Variants in USP4 observed in about 807,000 individuals in gnomAD.
USP4 encodes the protein ubiquitin specific peptidase 4.
USP4 carries 72 observed loss-of-function variants against 118.2 expected under a neutral mutation model. The ratio of observed to expected loss-of-function variants is 0.61; its 90% CI spans 0.50 to 0.74. The LOEUF is 0.74. Among genes scored for constraint, USP4 ranks in the 30% least tolerant of loss-of-function variants. The pLI is 0.00. For synonymous variants in USP4, 415 were observed against 440.4 expected, an observed-to-expected ratio of 0.94 and a Z score of 0.72; for missense variants, 1,037 against 1,185.7, an observed-to-expected ratio of 0.87 and a Z score of 1.84.
chr3:49,294,173 C>T lies in USP4; in HGVS notation c.1883+234G>A, dbSNP rs955793582. 9.2e-5 allele frequency among the ~76,000 whole-genome samples: 14 copies of T among 152,094 alleles called. 1 individual carries two copies. Among genetic ancestry groups the T allele is most frequent in the South Asian group, 4.1e-4 (2 of 4,820 alleles). ...GCTAATTTTATATTTTTAGTAGAGA[C>T]GGGATTTCACCATCTTGGCCAGGCT... On this transcript the variant is annotated intron_variant, in intron 14 of 21. Coordinates refer to ENST00000265560, the MANE Select transcript of USP4 (RefSeq NM_003363.4).
At chr3:49,339,091 G>T (rs559234740) in intron 1 of USP4, among the ~76,000 whole-genome samples, 105 of 152,316 alleles carry the variant, frequency 6.9e-4, no homozygotes, top group Non-Finnish European at 1.4e-3. Flanking sequence ...AGGTTGCCGT[G>T]AGCCAAGATC....
At chr3:49,329,275 T>G (rs1164149302) in intron 2 of USP4, among the ~76,000 whole-genome samples, 1 of 152,224 alleles carries the variant, frequency 6.6e-6, no homozygotes. Context: ...TTTCCACTTT[T>G]GCTGTTACTT....
rs369375022 is a variant in USP4 at position 49,286,246 on chromosome 3, C to T, written c.2052G>A (p.Glu684=). 2 of 1,614,162 alleles carry T rather than the reference C, an allele frequency of 1.2e-6. No individual in the cohort carries two copies. Among genetic ancestry groups the T allele is most frequent in the South Asian group, 1.1e-5 (1 of 91,084 alleles). ...LSETEGSGED[E]PGNDPSETTQ... ...TGGTCTCACTGGGGTCATTTCCTGGCTCATCTTCCCCACTGCCTTCTGTTT... is the reference window on the plus strand; with the variant it reads ...TGGTCTCACTGGGGTCATTTCCTGGTTCATCTTCCCCACTGCCTTCTGTTT... The change falls in exon 16 of 22, where the codon GAG becomes GAA. Residue 684 remains glutamate, a synonymous_variant. Coordinates refer to ENST00000265560, the MANE Select transcript of USP4 (RefSeq NM_003363.4).
chr3:49,299,291 T>C (rs1256314937), intron 11 of USP4, among the ~76,000 whole-genome samples: 1 of 151,910 alleles, frequency 6.6e-6, no homozygotes, highest in Non-Finnish European at 1.5e-5. Flanking sequence ...GGTTTCACCA[T>C]GTTGGTCAGG....
chr3:49,332,235 C>T (rs780686990), intron 2 of USP4, among the ~76,000 whole-genome samples: 3 of 152,026 alleles, frequency 2.0e-5, no homozygotes, highest in Non-Finnish European at 4.4e-5. Context: ...CAAGATTGTG[C>T]CATTGCACTT....
chr3:49,281,451 G>A (rs1326916436), intron 19 of USP4, among the ~76,000 whole-genome samples: 3 of 145,084 alleles, frequency 2.1e-5, no homozygotes, highest in African/African-American at 5.2e-5. Flanking sequence ...GCGAGACTCC[G>A]TCTCAAAAAA....
At position 49,278,420 on chromosome 3, in the gene USP4, C is replaced by T. The variant is rs369437870; in HGVS notation, c.2765G>A (p.Arg922His). 39 of 1,614,076 alleles carry T rather than the reference C, an allele frequency of 2.4e-5. No homozygotes were observed. The African/African-American group carries it at 3.6e-4, about 15-fold the overall frequency. ...TKAAYVLFYQ[R>H]RDDEFYKTPS... is the part of the protein sequence containing the mutation. Reference sequence around the variant, plus strand: ...TGTCTTATAAAATTCATCATCTCGACGTTGGTAAAATAGCACATAAGCTGC... The same window carrying T: ...TGTCTTATAAAATTCATCATCTCGATGTTGGTAAAATAGCACATAAGCTGC... Residue 922 changes from arginine to histidine, a missense_variant, in exon 22 of 22, where the codon CGT becomes CAT. By Grantham distance (29) the Arg-to-His change is conservative. Transcript: ENST00000265560.
At chr3:49,316,191 A>C (rs751242492) in intron 6 of USP4, among the ~76,000 whole-genome samples, 10 of 152,168 alleles carry the variant, frequency 6.6e-5, no homozygotes, top group Non-Finnish European at 1.2e-4. Context: ...AATGAGAGCG[A>C]GACTTCATCT....
intron 8 of USP4, among the ~76,000 whole-genome samples, chr3:49,310,220 C>A (rs549948300): frequency 1.3e-4 from 20 of 152,158 alleles, no homozygotes; most frequent in South Asian, 2.1e-4. Context: ...CCACTGCGCC[C>A]GGCTGGGACA....
intron 1 of USP4, among the ~76,000 whole-genome samples, chr3:49,337,301 C>T (rs1005761548): frequency 9.2e-5 from 14 of 151,988 alleles, no homozygotes; most frequent in East Asian, 1.9e-4. Context: ...ACATAACATG[C>T]GTGTACATAT....
intron 3 of USP4, 112 bp from the exon 4 acceptor site, chr3:49,325,957 T>C (rs1385421669): frequency 1.5e-6 from 2 of 1,333,714 alleles, no homozygotes; most frequent in Non-Finnish European, 2.1e-6. Context: ...ATCCATTTCC[T>C]TTACTGATCA....
intron 19 of USP4, among the ~76,000 whole-genome samples, 157 bp downstream of exon 19, chr3:49,283,830 C>T (rs767741449): frequency 6.6e-6 from 1 of 152,186 alleles, no homozygotes; most frequent in African/African-American, 2.4e-5. Flanking sequence ...AGGATAGGGA[C>T]AGAAGGGGTA....
At chr3:49,328,080 G>C (rs2047575742) in intron 2 of USP4, among the ~76,000 whole-genome samples, 2 of 151,856 alleles carry the variant, frequency 1.3e-5, no homozygotes, top group Non-Finnish European at 2.9e-5. Flanking sequence ...AAAAACTCCA[G>C]GCTGGGTGTG....
chr3:49,339,004 G>C (rs936686129), intron 1 of USP4, among the ~76,000 whole-genome samples: 6 of 152,066 alleles, frequency 3.9e-5, no homozygotes, highest in African/African-American at 1.4e-4. Context: ...AAAATTAGCT[G>C]GGTGTGGTGG....
Position 49,284,786 on chromosome 3 carries a change from C to T in USP4, c.2271+63G>A, listed in dbSNP as rs920578350. 5.5e-5 allele frequency: 81 copies of T among 1,480,582 alleles called. No homozygotes were observed. The Admixed American group carries it at 1.3e-3, about 24-fold the overall frequency. The allele number at this position is 1,480,582 out of a possible 1,614,324, so 91.7% of individuals were successfully genotyped here. A position where few individuals can be genotyped will look rare whatever the true frequency, so the allele number is the denominator to read the frequency against. On this transcript the variant is annotated intron_variant, in intron 17 of 21. Transcript: ENST00000265560. Reference sequence around the variant, plus strand: ...TTGCTGTCCAACTGGTGAAAGTGATCGCAGTCCACATCCAGAGCAGAAACC... The same window carrying T: ...TTGCTGTCCAACTGGTGAAAGTGATTGCAGTCCACATCCAGAGCAGAAACC...
Position 49,278,054 on chromosome 3 carries a change from C to T in USP4, c.*239G>A. ...CCCCATCCCACCCCCTTTTCAGCTT[C>T]ACAGGTTTCACAGAAATTTCTCACC... is the stretch of plus-strand genomic sequence containing the variant. On this transcript the variant is annotated 3_prime_UTR_variant, in exon 22 of 22. Transcript: ENST00000265560. 1 of 515,820 alleles carries T rather than the reference C, an allele frequency of 1.9e-6. No homozygotes were observed. The highest frequency in any genetic ancestry group is 3.3e-6 in the Non-Finnish European group (1 of 300,576). 32.0% of individuals were successfully genotyped at this position (515,820 alleles called of 1,614,324 possible).
At position 49,299,839 on chromosome 3, in the gene USP4, GTGAGGGTATATC is replaced by G. The variant is rs1396617017; in HGVS notation, c.1512+616_1512+627del. Among the ~76,000 whole-genome samples, 30 of 152,334 alleles carry G rather than the reference GTGAGGGTATATC, an allele frequency of 2.0e-4. No homozygotes were observed. In the East Asian group the frequency reaches 5.6e-3, roughly 28 times the overall value. Reference sequence around the variant, plus strand: ...TTCTGTACAGGCTGTCCTAGGTTATGTGAGGGTATATCTGAGTACGAAAAGAACCGTGCTTCT... The same window carrying G: ...TTCTGTACAGGCTGTCCTAGGTTATGTGAGTACGAAAAGAACCGTGCTTCT... On this transcript the variant is annotated intron_variant, in intron 11 of 21. Transcript: ENST00000265560.
Position 49,297,898 on chromosome 3 carries a change from G to A in USP4, c.1663C>T (p.His555Tyr). 1 of 1,614,036 alleles carries A rather than the reference G, an allele frequency of 6.2e-7. No homozygotes were observed. The highest frequency in any genetic ancestry group is 1.7e-5 in the Admixed American group (1 of 60,004). The change falls in exon 13 of 22, where the codon CAC (histidine) becomes TAC (tyrosine). Residue 555 changes from histidine (H) to tyrosine (Y), a missense_variant. Around this residue, in one of 3 missense-constraint regions of USP4, gnomAD observed 522 missense variants for 592.6 expected, o/e 0.88. Transcript: ENST00000265560. ...AAAATGTCATCCCGAGGCATGATGT[G>A]GTTTAAACCTTCATCCATTTGGAAA... The part of the protein sequence containing the change: ...KIFQMDEGLN[H>Y]IMPRDDIFVY...
At chr3:49,312,308 G>C (rs1398112170) in intron 6 of USP4, 1 of 348,414 alleles carries the variant, frequency 2.9e-6, no homozygotes, top group African/African-American at 2.2e-5. Flanking sequence ...TCAAGACACA[G>C]TGAAACCACA....
Sources: gnomAD v4.1 joint callset for allele counts (sites outside exome capture counted in the v4.1 genomes callset) on GRCh38, gnomAD v4.1.1 for gene constraint, gnomAD v4.1.1 regional missense constraint, MANE v1.5 for transcripts, NCBI Gene and HGNC (gene_info 2026-07-23, HGNC 2026-07-21) for gene names.